RGS6: variants seen among roughly 807,000 people sequenced by gnomAD.
RGS6 encodes regulator of G protein signaling 6, also known as regulator of G-protein signaling 6.
A neutral mutation model predicts 78.5 loss-of-function variants in RGS6; 30 were observed. The observed-to-expected ratio is 0.38, with a 90% CI of 0.29 to 0.52. The LOEUF is 0.52. Ranked by LOEUF, RGS6 falls within the 20% of genes least tolerant of loss-of-function variation. The pLI is 0.85. For missense variants in RGS6, 495 were observed against 609.7 expected, an observed-to-expected ratio of 0.81 and a Z score of 1.98; for synonymous variants, 206 against 206.0, an observed-to-expected ratio of 1.00 and a Z score of 0.00.
intron 2 of RGS6, among the ~76,000 whole-genome samples, chr14:72,276,961 A>T (rs1426302876): frequency 6.6e-6 from 1 of 152,178 alleles, no homozygotes; most frequent in Non-Finnish European, 1.5e-5. Flanking sequence ...GTAGAATACA[A>T]GTTCCATGAA....
Position 72,474,617 on chromosome 14 carries a change from T to A in RGS6, c.619-8T>A. Reference sequence around the variant, plus strand: ...AGTAATTTATATGATGTGTTTTTTTTTTCTCAGCCAGGCTGTGTGAACACA... The same window carrying A: ...AGTAATTTATATGATGTGTTTTTTTATTCTCAGCCAGGCTGTGTGAACACA... On this transcript the variant is annotated splice_polypyrimidine_tract_variant and splice_region_variant and intron_variant, in intron 9 of 17. Transcript: ENST00000553525. 1 of 1,598,008 alleles carries A rather than the reference T, an allele frequency of 6.3e-7. No individual in the cohort carries two copies. The highest frequency in any genetic ancestry group is 8.5e-7 in the Non-Finnish European group (1 of 1,175,186).
chr14:71,930,977 CAAAAAAAAAAAAAAAAAAAAAAAA>C (rs58649273), upstream of RGS6, among the ~76,000 whole-genome samples: 37 of 16,652 alleles, frequency 2.2e-3, no homozygotes, highest in East Asian at 8.3e-3. Flanking sequence ...AACTACGTCT[CAAAAAAAAAAAAAAAAAAAAAAAA>C]AAAAAAAAAA....
intron 1 of RGS6, among the ~76,000 whole-genome samples, chr14:71,949,040 T>G (rs151111638): frequency 1.5e-3 from 233 of 152,328 alleles, no homozygotes; most frequent in Middle Eastern, 0.01. Context: ...TATTCTACTT[T>G]GTGATATTCC....
intron 3 of RGS6, among the ~76,000 whole-genome samples, chr14:72,413,684 T>A (rs967555599): frequency 2.4e-4 from 37 of 152,238 alleles, no homozygotes; most frequent in African/African-American, 7.7e-4. Flanking sequence ...CAATTTGGCA[T>A]GTTTTTGCAG....
At chr14:72,267,478 C>A (rs6574057) in intron 2 of RGS6, among the ~76,000 whole-genome samples, 85,834 of 151,962 alleles carry the variant, frequency 0.56, 24,643 homozygotes, top group African/African-American at 0.65. Flanking sequence ...ACCAAAAATA[C>A]TTGCTATCTT....
At position 72,122,117 on chromosome 14, in the gene RGS6, C is replaced by G. The variant is rs142148862; in HGVS notation, c.84+157242C>G. On this transcript the variant is annotated intron_variant, in intron 2 of 17. Coordinates refer to ENST00000553525, the MANE Select transcript of RGS6 (RefSeq NM_001204424.2). ...CTTTATTGTATAGAAGATAATAGAT[C>G]AACCACATCCTCAAGGCTGGGACCA... Among the ~76,000 whole-genome samples the G allele has an allele frequency of 4.1e-3, 619 of 152,282 alleles. 7 individuals are homozygous for G. Among genetic ancestry groups the G allele is most frequent in the South Asian group, 0.039 (187 of 4,818 alleles).
intron 2 of RGS6, among the ~76,000 whole-genome samples, chr14:72,024,555 C>A (rs529028799): frequency 6.6e-6 from 1 of 152,326 alleles, no homozygotes; most frequent in Admixed American, 6.5e-5. Context: ...CCAGCTCTTG[C>A]ACTCACGGGT....
chr14:72,076,679 C>T (rs1260261350), intron 2 of RGS6, among the ~76,000 whole-genome samples: 1 of 152,032 alleles, frequency 6.6e-6, no homozygotes. Context: ...TAGACACGTG[C>T]CATCATGCCA....
At position 72,465,753 on chromosome 14, in the gene RGS6, C is replaced by G; in HGVS notation, c.395-5C>G. Reference sequence around the variant, plus strand: ...TACATGTTGTCATTTCCTTTCTTCCCTCAGCCATCTATCTCTGTAAGAGGA... The same window carrying G: ...TACATGTTGTCATTTCCTTTCTTCCGTCAGCCATCTATCTCTGTAAGAGGA... On this transcript the variant is annotated splice_polypyrimidine_tract_variant and splice_region_variant and intron_variant, in intron 6 of 17. Coordinates refer to ENST00000553525, the MANE Select transcript of RGS6 (RefSeq NM_001204424.2). 6.2e-7 allele frequency: 1 copy of G among 1,611,512 alleles called. No individual in the cohort carries two copies.
chr14:72,439,888 T>C (rs2095114477), intron 3 of RGS6, among the ~76,000 whole-genome samples: 2 of 152,222 alleles, frequency 1.3e-5, no homozygotes, highest in South Asian at 4.1e-4. Flanking sequence ...CCACATCCTG[T>C]GGGTTCCTGT....
At chr14:72,334,897 C>T (rs1042605209) in intron 2 of RGS6, among the ~76,000 whole-genome samples, 3 of 152,158 alleles carry the variant, frequency 2.0e-5, no homozygotes, top group African/African-American at 7.2e-5. Context: ...TGCACACACC[C>T]TTTCTGTCTG....
At chr14:72,579,931 T>C in the RGS6 span, among the ~76,000 whole-genome samples, 3 of 152,028 alleles carry the variant, frequency 2.0e-5, no homozygotes, top group South Asian at 2.1e-4. Flanking sequence ...ATCATAGAGA[T>C]TGGGTGAGAT....
Position 72,020,248 on chromosome 14 carries a change from A to G in RGS6, c.84+55373A>G, listed in dbSNP as rs116113789. ...CTGCCAGAATCTGGATTTCCAAATTATCTGACAGGAGGAAAGGAAAGGATT... is the reference window on the plus strand; with the variant it reads ...CTGCCAGAATCTGGATTTCCAAATTGTCTGACAGGAGGAAAGGAAAGGATT... On this transcript the variant is annotated intron_variant, in intron 2 of 17. Transcript: ENST00000553525. Among the ~76,000 whole-genome samples, 743 of 152,356 alleles carry G rather than the reference A, an allele frequency of 4.9e-3. 8 individuals are homozygous for G. Among genetic ancestry groups the G allele is most frequent in the African/African-American group, 0.017 (707 of 41,590 alleles).
intron 8 of RGS6, among the ~76,000 whole-genome samples, chr14:72,470,337 T>C (rs989974399): frequency 2.0e-5 from 3 of 152,242 alleles, no homozygotes; most frequent in Non-Finnish European, 4.4e-5. Context: ...ACTCTGGTTA[T>C]AAGAAGGTGT....
At chr14:72,024,004 G>T (rs1263889301) in intron 2 of RGS6, among the ~76,000 whole-genome samples, 1 of 152,202 alleles carries the variant, frequency 6.6e-6, no homozygotes, top group Non-Finnish European at 1.5e-5. Context: ...GCGACAATGA[G>T]CTCATTGGGA....
chr14:72,004,686 A>G (rs375926492), intron 2 of RGS6, among the ~76,000 whole-genome samples: 2 of 152,126 alleles, frequency 1.3e-5, no homozygotes, highest in Non-Finnish European at 2.9e-5. Flanking sequence ...TTAGCCAGGC[A>G]TGGTGGCATA....
chr14:72,442,518 C>A (rs2095242298), intron 3 of RGS6, among the ~76,000 whole-genome samples: 1 of 152,178 alleles, frequency 6.6e-6, no homozygotes, highest in Admixed American at 6.5e-5. Context: ...CATTCTGGTG[C>A]ACCAGTTTAA....
intron 2 of RGS6, among the ~76,000 whole-genome samples, chr14:72,203,771 A>C (rs985516896): frequency 6.6e-6 from 1 of 151,028 alleles, no homozygotes; most frequent in Non-Finnish European, 1.5e-5. Context: ...TTTTTGTGTG[A>C]GTGATAAAAT....
chr14:72,467,581 A>G (rs1419258064), intron 7 of RGS6, among the ~76,000 whole-genome samples: 1 of 152,156 alleles, frequency 6.6e-6, no homozygotes, highest in Non-Finnish European at 1.5e-5. Context: ...GGACGTGTGC[A>G]TGGTCCTTCA....
Sources: gnomAD v4.1 joint callset for allele counts (sites outside exome capture counted in the v4.1 genomes callset) on GRCh38, gnomAD v4.1.1 for gene constraint, MANE v1.5 for transcripts, NCBI Gene and HGNC (gene_info 2026-07-23, HGNC 2026-07-21) for gene names.